TLL1: variants seen among roughly 807,000 people sequenced by gnomAD.
The protein encoded by TLL1 is tolloid-like protein 1.
In TLL1, 49 loss-of-function variants were observed where a neutral mutation model predicts 128.2. That is an observed-to-expected ratio of 0.38 (90% CI 0.30 to 0.48). The LOEUF is 0.48. Among genes scored for constraint, TLL1 ranks in the 20% least tolerant of loss-of-function variants. The probability of loss-of-function intolerance (pLI) is 0.96; values close to 1 mark genes in which losing one functional copy is unlikely to be tolerated. For missense variants in TLL1, 1,123 were observed against 1,242.0 expected (o/e 0.90, Z 1.44); for synonymous variants, 454 against 418.8 (o/e 1.08, Z -1.03).
intron 12 of TLL1, among the ~76,000 whole-genome samples, chr4:166,046,627 C>A (rs1739470458): frequency 6.6e-6 from 1 of 152,146 alleles, no homozygotes; most frequent in African/African-American, 2.4e-5. Flanking sequence ...CCTAATGTGC[C>A]CATTGCCAGC....
intron 7 of TLL1, 70 bp from the exon 8 acceptor site, chr4:166,014,366 T>C: frequency 1.9e-6 from 3 of 1,606,102 alleles, no homozygotes; most frequent in Non-Finnish European, 2.6e-6. Flanking sequence ...AATAAATACC[T>C]TATAAATGTA....
chr4:165,927,160 G>T (rs1384833186), intron 1 of TLL1, among the ~76,000 whole-genome samples: 1 of 152,098 alleles, frequency 6.6e-6, no homozygotes, highest in Non-Finnish European at 1.5e-5. Flanking sequence ...CAATTAGAAA[G>T]CTTTATATAC....
chr4:166,098,476 G>A (rs1189643856), intron 19 of TLL1, among the ~76,000 whole-genome samples: 1 of 151,430 alleles, frequency 6.6e-6, no homozygotes, highest in Non-Finnish European at 1.5e-5. Flanking sequence ...TATTTACCTT[G>A]AGCAACAAAG....
At chr4:165,963,054 C>CAAAAAAAAAAAAAAAAA (rs869191830) in intron 1 of TLL1, among the ~76,000 whole-genome samples, 1 of 18,336 alleles carries the variant, frequency 5.5e-5, no homozygotes, top group African/African-American at 1.4e-4. Flanking sequence ...GGCTCTGTCT[C>CAAAAAAAAAAAAAAAAA]AAAAAAAAAA....
intron 1 of TLL1, among the ~76,000 whole-genome samples, chr4:165,902,044 T>G (rs1287351538): frequency 6.6e-6 from 1 of 152,182 alleles, no homozygotes; most frequent in Non-Finnish European, 1.5e-5. Flanking sequence ...GTTTACACTG[T>G]GAGGGGAAAA....
chr4:165,994,613 TTAACA>T, intron 4 of TLL1, 80 bp downstream of exon 4: 2 of 1,519,936 alleles, frequency 1.3e-6, no homozygotes, highest in Admixed American at 3.5e-5. Context: ...TTATAGAATA[TTAACA>T]TAAGATACAT....
chr4:165,917,781 G>A (rs1732853143), intron 1 of TLL1, among the ~76,000 whole-genome samples: 1 of 151,952 alleles, frequency 6.6e-6, no homozygotes, highest in Non-Finnish European at 1.5e-5. Context: ...GACTCTTTTG[G>A]CCTTCTTAAA....
intron 18 of TLL1, among the ~76,000 whole-genome samples, chr4:166,087,327 T>C (rs191732787): frequency 1.3e-4 from 20 of 152,212 alleles, no homozygotes; most frequent in Admixed American, 3.3e-4. Context: ...TAAATAATTA[T>C]CCATCATAAA....
chr4:166,008,028 T>C lies in TLL1; in HGVS notation c.897T>C (p.Tyr299=). The C allele has an allele frequency of 6.2e-7, 1 of 1,609,386 alleles. No homozygotes were observed. Among genetic ancestry groups the C allele is most frequent in the Non-Finnish European group, 8.5e-7 (1 of 1,176,534 alleles). ...ATGATTTCGACAGTATCATGCACTA[T>C]GCCAGGAACACCTTCTCAAGGTTGG... The part of the protein sequence containing the change: ...ERYDFDSIMH[Y]ARNTFSRGMF... Residue 299 remains tyrosine, a synonymous_variant, in exon 7 of 21, where the codon TAT becomes TAC. Transcript: ENST00000061240.
chr4:166,068,949 A>T (rs1317642867), intron 16 of TLL1, among the ~76,000 whole-genome samples: 1 of 151,956 alleles, frequency 6.6e-6, no homozygotes, highest in East Asian at 1.9e-4. Flanking sequence ...GAAAGTTGCC[A>T]TATAAAAATA....
At chr4:165,942,978 G>C (rs1041355762) in intron 1 of TLL1, among the ~76,000 whole-genome samples, 3 of 151,982 alleles carry the variant, frequency 2.0e-5, no homozygotes, top group Non-Finnish European at 4.4e-5. Flanking sequence ...GTTAATTGTT[G>C]AAAAGAGCAG....
At chr4:165,947,630 T>G (rs185904605) in intron 1 of TLL1, among the ~76,000 whole-genome samples, 46 of 152,082 alleles carry the variant, frequency 3.0e-4, no homozygotes, top group Non-Finnish European at 5.7e-4. Context: ...TCAAGAGAGA[T>G]TAAAAGATCA....
intron 1 of TLL1, among the ~76,000 whole-genome samples, chr4:165,971,746 G>A (rs1735636902): frequency 6.6e-6 from 1 of 152,110 alleles, no homozygotes; most frequent in Non-Finnish European, 1.5e-5. Context: ...AATTTTAGAT[G>A]TTTTCTTCTT....
At chr4:165,951,037 G>T (rs1397521525) in intron 1 of TLL1, among the ~76,000 whole-genome samples, 1 of 151,924 alleles carries the variant, frequency 6.6e-6, no homozygotes, top group African/African-American at 2.4e-5. Flanking sequence ...GAAAAATAAT[G>T]CACAAATTAC....
chr4:166,058,918 C>T (rs1291128016), intron 14 of TLL1, among the ~76,000 whole-genome samples: 2 of 152,116 alleles, frequency 1.3e-5, no homozygotes, highest in Admixed American at 1.3e-4. Flanking sequence ...CAGAGACTCC[C>T]TGTTTCTTCT....
rs1480856734 is a variant in TLL1, at chr4:166,077,946, C to T, written c.2358C>T (p.Thr786=). 2 of 1,613,514 alleles carry T rather than the reference C, an allele frequency of 1.2e-6. No individual in the cohort carries two copies. Among genetic ancestry groups the T allele is most frequent in the Non-Finnish European group, 1.7e-6 (2 of 1,179,756 alleles). The change falls in exon 18 of 21, where the codon ACC becomes ACT. Residue 786 remains threonine, a synonymous_variant. Transcript: ENST00000061240. The part of the protein sequence containing the change: ...QKIHSPSGLI[T]SPNWPDKYPS... ...TCCACAGTCCAAGTGGCCTCATCAC[C>T]AGTCCCAACTGGCCAGACAAGTACC... is the stretch of plus-strand genomic sequence containing the variant.
At chr4:165,952,958 C>A (rs1015697371) in intron 1 of TLL1, among the ~76,000 whole-genome samples, 1 of 152,110 alleles carries the variant, frequency 6.6e-6, no homozygotes, top group Non-Finnish European at 1.5e-5. Context: ...CAATTTCCAA[C>A]GTCACTTGTG....
intron 1 of TLL1, among the ~76,000 whole-genome samples, chr4:165,933,719 C>A (rs982457429): frequency 6.6e-6 from 1 of 152,110 alleles, no homozygotes; most frequent in African/African-American, 2.4e-5. Flanking sequence ...TTTATTCTGA[C>A]AGGACCACAC....
intron 15 of TLL1, 94 bp downstream of exon 15, chr4:166,060,282 A>G: frequency 1.5e-6 from 2 of 1,329,812 alleles, no homozygotes; most frequent in Non-Finnish European, 2.1e-6. Flanking sequence ...GTAGTAAAAT[A>G]GTATAGACAT....
Sources: allele counts gnomAD v4.1 joint callset (sites outside exome capture counted in the v4.1 genomes callset), GRCh38; gene constraint gnomAD v4.1.1; transcripts MANE v1.5; gene names NCBI Gene and HGNC (gene_info 2026-07-23, HGNC 2026-07-21).